ADGRL3: variants seen among roughly 807,000 people sequenced by gnomAD.
ADGRL3 encodes adhesion G protein-coupled receptor L3.
ADGRL3 carries 62 observed loss-of-function variants against 153.5 expected under a neutral mutation model. That is an observed-to-expected ratio of 0.40 (90% confidence interval 0.33 to 0.50). The LOEUF (loss-of-function observed/expected upper bound fraction) is 0.50. ADGRL3 is among the 20% of genes least tolerant of loss of function. The pLI is 0.47. For missense variants in ADGRL3, 1,641 were observed against 1,859.4 expected (o/e 0.88, Z 2.16); for synonymous variants, 710 against 672.5 (o/e 1.06, Z -0.86).
intron 1 of ADGRL3, among the ~76,000 whole-genome samples, chr4:61,264,239 G>A (rs1454426505): frequency 1.3e-5 from 2 of 151,932 alleles, no homozygotes; most frequent in African/African-American, 2.4e-5. Flanking sequence ...AGAAAGCCAA[G>A]AATTCCAGTG....
chr4:61,645,467 T>G (rs1032291238), intron 5 of ADGRL3, among the ~76,000 whole-genome samples: 3 of 151,380 alleles, frequency 2.0e-5, no homozygotes, highest in Non-Finnish European at 2.9e-5. Flanking sequence ...AGGAGCTCTT[T>G]TAGGGCAGGC....
intron 2 of ADGRL3, among the ~76,000 whole-genome samples, chr4:61,414,692 T>C (rs2097127111): frequency 6.6e-6 from 1 of 151,816 alleles, no homozygotes; most frequent in Non-Finnish European, 1.5e-5. Flanking sequence ...TTTGGAATAA[T>C]ATATCAAATC....
At chr4:61,251,665 C>T (rs1759314950) in intron 1 of ADGRL3, among the ~76,000 whole-genome samples, 1 of 152,000 alleles carries the variant, frequency 6.6e-6, no homozygotes, top group South Asian at 2.1e-4. Flanking sequence ...TATAATGTGT[C>T]AACTACTATG....
intron 24 of ADGRL3, among the ~76,000 whole-genome samples, chr4:62,040,811 G>T (rs1396820063): frequency 7.2e-5 from 11 of 152,012 alleles, no homozygotes; most frequent in Admixed American, 7.2e-4. Flanking sequence ...TTAGCCAGGT[G>T]GCTACTTGGA....
intron 5 of ADGRL3, among the ~76,000 whole-genome samples, chr4:61,600,245 T>C (rs10006637): frequency 0.24 from 33,563 of 136,994 alleles, 4,115 homozygotes; most frequent in African/African-American, 0.32. Context: ...GAGGCAGAGG[T>C]TGCAGTGAGC....
intron 1 of ADGRL3, among the ~76,000 whole-genome samples, chr4:61,281,096 A>G (rs2093704070): frequency 6.6e-6 from 1 of 152,116 alleles, no homozygotes; most frequent in Non-Finnish European, 1.5e-5. Context: ...TATCATATAT[A>G]TACATATATA....
chr4:61,243,168 T>C (rs900779314), intron 1 of ADGRL3, among the ~76,000 whole-genome samples: 17 of 152,050 alleles, frequency 1.1e-4, no homozygotes, highest in African/African-American at 3.9e-4. Flanking sequence ...GTGTGTTTAG[T>C]ATAGGGTTTT....
chr4:61,596,293 C>A (rs952681468), intron 5 of ADGRL3, among the ~76,000 whole-genome samples: 1 of 152,102 alleles, frequency 6.6e-6, no homozygotes, highest in Non-Finnish European at 1.5e-5. Flanking sequence ...ATGTATTATG[C>A]CGGCCTTTTG....
intron 1 of ADGRL3, among the ~76,000 whole-genome samples, chr4:61,313,094 G>C (rs2095072510): frequency 6.6e-6 from 1 of 152,160 alleles, no homozygotes; most frequent in Non-Finnish European, 1.5e-5. Context: ...CATCCTAAAT[G>C]CTTGAAATGT....
chr4:61,242,618 G>A (rs2149340881), intron 1 of ADGRL3, among the ~76,000 whole-genome samples: 1 of 152,076 alleles, frequency 6.6e-6, no homozygotes, highest in Non-Finnish European at 1.5e-5. Context: ...GCTTTCCAAT[G>A]AAACAGTTAC....
intron 8 of ADGRL3, among the ~76,000 whole-genome samples, chr4:61,742,341 C>T (rs1005831847): frequency 7.2e-5 from 11 of 151,944 alleles, no homozygotes; most frequent in Admixed American, 6.6e-5. Context: ...TGCACTGGAG[C>T]GATCTCGGCT....
chr4:61,775,168 A>G (rs1469248484), intron 8 of ADGRL3, among the ~76,000 whole-genome samples: 1 of 151,264 alleles, frequency 6.6e-6, no homozygotes, highest in Non-Finnish European at 1.5e-5. Context: ...TCACTGAATT[A>G]TCCCCCAAGT....
intron 9 of ADGRL3, among the ~76,000 whole-genome samples, chr4:61,876,477 TA>T (rs2098475833): frequency 6.6e-6 from 1 of 152,178 alleles, no homozygotes; most frequent in African/African-American, 2.4e-5. Context: ...TTTCCTGAAT[TA>T]ATGTCTAGAA....
At chr4:61,560,070 C>A (rs1161838610) in intron 4 of ADGRL3, among the ~76,000 whole-genome samples, 2 of 151,998 alleles carry the variant, frequency 1.3e-5, no homozygotes, top group African/African-American at 4.8e-5. Context: ...TTCCCTATGC[C>A]TTACTCCTTT....
chr4:61,222,372 G>C (rs1360947512), intron 1 of ADGRL3, among the ~76,000 whole-genome samples: 5 of 152,062 alleles, frequency 3.3e-5, no homozygotes, highest in Non-Finnish European at 5.9e-5. Context: ...AATATAGAGT[G>C]ATCAGATTAG....
chr4:61,253,831 G>T (rs1439921000), intron 1 of ADGRL3, among the ~76,000 whole-genome samples: 2 of 151,978 alleles, frequency 1.3e-5, no homozygotes, highest in Non-Finnish European at 2.9e-5. Context: ...AGCTTCAAAG[G>T]CTTTGAAATT....
chr4:61,277,597 GA>G, intron 1 of ADGRL3, among the ~76,000 whole-genome samples: 1 of 151,882 alleles, frequency 6.6e-6, no homozygotes, highest in Non-Finnish European at 1.5e-5. Flanking sequence ...GATATAGTGG[GA>G]AAAAAATGCT....
chr4:61,201,965 C>T (rs1019170016), intron 1 of ADGRL3, among the ~76,000 whole-genome samples, 200 bp downstream of exon 1: 35 of 152,054 alleles, frequency 2.3e-4, no homozygotes, highest in African/African-American at 7.7e-4. Flanking sequence ...GGTGGGCGCT[C>T]GGGTCTGGCG....
At chr4:61,826,052 A>G (rs961356475) in intron 9 of ADGRL3, among the ~76,000 whole-genome samples, 1 of 152,206 alleles carries the variant, frequency 6.6e-6, no homozygotes, top group African/African-American at 2.4e-5. Flanking sequence ...GTGACGGTAC[A>G]ATAGTGAATG....
Sources: allele counts gnomAD v4.1 joint callset (sites outside exome capture counted in the v4.1 genomes callset), GRCh38; gene constraint gnomAD v4.1.1; transcripts MANE v1.5; gene names NCBI Gene and HGNC (gene_info 2026-07-23, HGNC 2026-07-21).